Variants in CNOT9 observed in about 807,000 individuals in gnomAD.
CNOT9 encodes RCD1 required for cell differentiation1 homolog.
A neutral mutation model predicts 37.4 loss-of-function variants in CNOT9; 8 were observed. That is an observed-to-expected ratio of 0.21 (90% confidence interval 0.13 to 0.39). The LOEUF (loss-of-function observed/expected upper bound fraction) is 0.39, where lower values mean the gene tolerates loss of function less well. Among genes scored for constraint, CNOT9 ranks in the 10% least tolerant of loss-of-function variants. CNOT9 has a pLI of 1.00. For synonymous variants in CNOT9, 120 were observed against 137.6 expected, an observed-to-expected ratio of 0.87 and a Z score of 0.90; for missense variants, 154 against 365.3, an observed-to-expected ratio of 0.42 and a Z score of 4.71.
rs190567171 is a variant in CNOT9, at chr2:218,593,631, C to T, written c.732-477C>T. 1.7e-3 allele frequency: 2,389 copies of T among 1,419,712 alleles called. 11 individuals are homozygous for T. Among genetic ancestry groups the T allele is most frequent in the South Asian group, 7.3e-3 (483 of 65,822 alleles). The allele number at this position is 1,419,712 out of a possible 1,614,324, so 87.9% of individuals were successfully genotyped here. ...CCATAGTTTTGTTTTCACTGCTCAT[C>T]TCTTATTAAGGTTTTTAACCATAAA... On this transcript the variant is annotated intron_variant, in intron 7 of 7. Coordinates refer to ENST00000273064, the MANE Select transcript of CNOT9 (RefSeq NM_005444.3).
chr2:218,583,139 A>G (rs1205004589), intron 3 of CNOT9, 53 bp downstream of exon 3: 6 of 1,155,648 alleles, frequency 5.2e-6, no homozygotes, highest in Non-Finnish European at 1.3e-6. Flanking sequence ...ATATGGTCCT[A>G]AACGTTCTCT....
chr2:218,586,282 G>A (rs1694595116), intron 4 of CNOT9, among the ~76,000 whole-genome samples: 2 of 152,108 alleles, frequency 1.3e-5, no homozygotes, highest in African/African-American at 4.8e-5. Flanking sequence ...GGTATTTGGA[G>A]ATGGGACCTT....
intron 2 of CNOT9, chr2:218,581,014 TCTAAGAA>T (rs1229300963): frequency 3.6e-6 from 2 of 553,470 alleles, no homozygotes; most frequent in Non-Finnish European, 6.9e-6. Context: ...ATGCAAGTGA[TCTAAGAA>T]CTACGCTTTG....
chr2:218,585,793 A>C (rs763153619), intron 4 of CNOT9, among the ~76,000 whole-genome samples: 2 of 151,792 alleles, frequency 1.3e-5, no homozygotes, highest in Admixed American at 6.6e-5. Flanking sequence ...ACATGCCACC[A>C]CACCTGGCTA....
chr2:218,588,888 GAAA>G (rs1184844481), intron 5 of CNOT9, among the ~76,000 whole-genome samples: 1 of 151,732 alleles, frequency 6.6e-6, no homozygotes, highest in African/African-American at 2.4e-5. Context: ...ATTTTTTTCT[GAAA>G]GAGCATATTA....
chr2:218,594,078 C>T, intron 7 of CNOT9, 30 bp from the exon 8 acceptor site: 3 of 1,611,628 alleles, frequency 1.9e-6, no homozygotes, highest in Non-Finnish European at 2.5e-6. Context: ...TTGTTGGTCT[C>T]CCTGGTTGGT....
Position 218,594,113 on chromosome 2 carries a change from G to T in CNOT9, c.737G>T (p.Arg246Leu). 1 of 1,614,162 alleles carries T rather than the reference G, an allele frequency of 6.2e-7. No individual in the cohort carries two copies. The highest frequency in any genetic ancestry group is 8.5e-7 in the Non-Finnish European group (1 of 1,180,008). The change falls in exon 8 of 8, where the codon CGT (arginine) becomes CTT (leucine). Residue 246 changes from arginine to leucine, a missense_variant. Around this residue, in one of 2 missense-constraint regions of CNOT9, gnomAD observed 117 missense variants for 325.4 expected, o/e 0.36. Transcript: ENST00000273064. ...YLRLSDNPRA[R>L]EALRQCLPDQ... ...TTTGTTTGTTTCTGATGTAGGGCAC[G>T]TGAAGCACTCAGACAGTGCCTCCCT...
At chr2:218,588,588 C>CTTT (rs1172484260) in intron 5 of CNOT9, among the ~76,000 whole-genome samples, 336 of 33,444 alleles carry the variant, frequency 0.01, 100 homozygotes, top group African/African-American at 0.029. Flanking sequence ...TCCACCCGGC[C>CTTT]TTTTTTTTTT....
intron 2 of CNOT9, among the ~76,000 whole-genome samples, chr2:218,582,024 G>A (rs1271766488): frequency 6.6e-6 from 1 of 152,082 alleles, no homozygotes; most frequent in Admixed American, 6.6e-5. Context: ...GGAGGCTGCA[G>A]TGAGCCATGA....
At position 218,594,222 on chromosome 2, in the gene CNOT9, C is replaced by T. The variant is rs1425776393; in HGVS notation, c.846C>T (p.Asn282=). The T allele has an allele frequency of 6.2e-7, 1 of 1,614,216 alleles. No individual in the cohort carries two copies. The highest frequency in any genetic ancestry group is 8.5e-7 in the Non-Finnish European group (1 of 1,180,024). The change falls in exon 8 of 8, where the codon AAC becomes AAT. Residue 282 remains asparagine, a synonymous_variant. Transcript: ENST00000273064. ...TKRWLAQLVK[N]LQEGQVTDPR... The stretch of plus-strand genomic sequence containing the variant: ...GCTGGCTTGCACAACTGGTGAAGAA[C>T]CTGCAAGAGGGCCAGGTCACCGATC...
chr2:218,580,814 G>T (rs1694346551), intron 2 of CNOT9, 74 bp downstream of exon 2: 5 of 1,360,554 alleles, frequency 3.7e-6, no homozygotes, highest in Non-Finnish European at 5.1e-6. Context: ...TTGCCCAAAT[G>T]ATTTGAAGAC....
At chr2:218,585,448 C>T (rs965927711) in intron 4 of CNOT9, among the ~76,000 whole-genome samples, 18 of 149,172 alleles carry the variant, frequency 1.2e-4, no homozygotes, top group African/African-American at 4.4e-4. Context: ...TGGCATGTGC[C>T]TGTAGTCCCA....
rs958037166 is a variant in CNOT9, at chr2:218,594,625, G to C, written c.*349G>C. 1 of 259,060 alleles carries C rather than the reference G, an allele frequency of 3.9e-6. No individual in the cohort carries two copies. Among genetic ancestry groups the C allele is most frequent in the African/African-American group, 2.2e-5 (1 of 45,030 alleles). The allele number at this position is 259,060 out of a possible 1,614,324, so 16.0% of individuals were successfully genotyped here. On this transcript the variant is annotated 3_prime_UTR_variant, in exon 8 of 8. Transcript: ENST00000273064. Reference sequence around the variant, plus strand: ...GCCACTGGCAGGGAGGGGAGACAGTGGTGATAGCAGCAGCACTCTAGGCAT... The same window carrying C: ...GCCACTGGCAGGGAGGGGAGACAGTCGTGATAGCAGCAGCACTCTAGGCAT...
intron 5 of CNOT9, among the ~76,000 whole-genome samples, chr2:218,590,646 G>A (rs1559250733): frequency 6.6e-6 from 1 of 152,132 alleles, no homozygotes; most frequent in Admixed American, 6.5e-5. Context: ...GAGTCTTTTT[G>A]TTGCCTTTTC....
chr2:218,582,913 C>T, intron 2 of CNOT9, 58 bp from the exon 3 acceptor site: 2 of 934,810 alleles, frequency 2.1e-6, no homozygotes, highest in Non-Finnish European at 1.7e-6. Flanking sequence ...GCTTTATTAC[C>T]ATGGGAATTA....
chr2:218,578,531 CTG>C (rs1574987490), intron 1 of CNOT9, among the ~76,000 whole-genome samples: 1 of 152,168 alleles, frequency 6.6e-6, no homozygotes, highest in Non-Finnish European at 1.5e-5. Flanking sequence ...CTGTGAGAAA[CTG>C]TAATATAGTT....
chr2:218,584,239 TG>T (rs1210627449), intron 3 of CNOT9, among the ~76,000 whole-genome samples: 3 of 152,214 alleles, frequency 2.0e-5, no homozygotes, highest in Admixed American at 6.5e-5. Context: ...TTTTCAGCTT[TG>T]GCACCATTAC....
In CNOT9 at chr2:218,580,574, C is replaced by T; in HGVS notation, c.38C>T (p.Thr13Ile). Reference sequence around the variant, plus strand: ...CTTCATCTGAAGCCTGTGCCTACTACACTGGCACAAGTGGATAGAGAAAAG... The same window carrying T: ...CTTCATCTGAAGCCTGTGCCTACTATACTGGCACAAGTGGATAGAGAAAAG... ...SLATAAPVPT[T>I]LAQVDREKIY... Residue 13 changes from threonine (T) to isoleucine (I), a missense_variant, in exon 2 of 8, where the codon ACA becomes ATA. Transcript: ENST00000273064. 6.2e-7 allele frequency: 1 copy of T among 1,612,426 alleles called. No homozygotes were observed. Among genetic ancestry groups the T allele is most frequent in the Non-Finnish European group, 8.5e-7 (1 of 1,179,100 alleles).
intron 1 of CNOT9, chr2:218,572,779 T>A: frequency 1.4e-6 from 1 of 714,666 alleles, no homozygotes; most frequent in Non-Finnish European, 1.7e-6. Flanking sequence ...CTGACAATTC[T>A]AGCATCCCTA....
Sources: allele counts gnomAD v4.1 joint callset (sites outside exome capture counted in the v4.1 genomes callset), GRCh38; gene constraint gnomAD v4.1.1; regional missense constraint gnomAD v4.1.1; transcripts MANE v1.5; gene names NCBI Gene and HGNC (gene_info 2026-07-23, HGNC 2026-07-21).